The following METAP1D variants were observed in gnomAD, a reference collection of about 807,000 sequenced individuals.
METAP1D encodes methionine aminopeptidase 1D, mitochondrial.
In METAP1D, 31 loss-of-function variants were observed where a neutral mutation model predicts 40.5. That is an observed-to-expected ratio of 0.77 (90% CI 0.58 to 1.03). The LOEUF is 1.03. Ranked by LOEUF, METAP1D falls within the 50% of genes least tolerant of loss-of-function variation. METAP1D has a pLI of 0.00. For missense variants in METAP1D, 411 were observed against 420.7 expected, an observed-to-expected ratio of 0.98 and a Z score of 0.20; for synonymous variants, 151 against 146.4, an observed-to-expected ratio of 1.03 and a Z score of -0.22.
chr2:172,065,378 T>C (rs991130130), intron 3 of METAP1D, among the ~76,000 whole-genome samples: 1 of 152,176 alleles, frequency 6.6e-6, no homozygotes, highest in African/African-American at 2.4e-5. Context: ...GGTTTAACAT[T>C]TCTATTTCCT....
At chr2:172,068,917 T>C (rs891412505) in intron 5 of METAP1D, among the ~76,000 whole-genome samples, 1 of 152,086 alleles carries the variant, frequency 6.6e-6, no homozygotes, top group African/African-American at 2.4e-5. Context: ...TTTGTTTCCT[T>C]TTCTTTTTTT....
chr2:172,069,152 C>T (rs967939221), intron 5 of METAP1D, among the ~76,000 whole-genome samples: 4 of 152,088 alleles, frequency 2.6e-5, no homozygotes, highest in Admixed American at 2.6e-4. Context: ...CCTGGTCTCA[C>T]GCAATCCTCT....
chr2:172,028,527 C>T (rs1689169627), intron 1 of METAP1D, among the ~76,000 whole-genome samples: 1 of 147,530 alleles, frequency 6.8e-6, no homozygotes, highest in African/African-American at 2.5e-5. Flanking sequence ...CATGAGCAGA[C>T]TTCTGTATGT....
chr2:172,075,629 T>C (rs1440102747), intron 6 of METAP1D, among the ~76,000 whole-genome samples: 2 of 152,224 alleles, frequency 1.3e-5, no homozygotes, highest in Non-Finnish European at 2.9e-5. Flanking sequence ...GTAAATAATC[T>C]TGTGCTCCCC....
intron 1 of METAP1D, among the ~76,000 whole-genome samples, chr2:172,003,290 A>G (rs1399969309): frequency 6.6e-6 from 1 of 152,094 alleles, no homozygotes; most frequent in Non-Finnish European, 1.5e-5. Context: ...AGAGTACAGA[A>G]TCCCTACCCT....
intron 7 of METAP1D, among the ~76,000 whole-genome samples, chr2:172,078,219 C>T (rs1308181443): frequency 6.6e-6 from 1 of 152,204 alleles, no homozygotes; most frequent in African/African-American, 2.4e-5. Flanking sequence ...ATCAGTGTCC[C>T]AGCAGCATGC....
At chr2:172,050,905 C>A (rs1689871448) in intron 1 of METAP1D, among the ~76,000 whole-genome samples, 1 of 152,144 alleles carries the variant, frequency 6.6e-6, no homozygotes, top group Admixed American at 6.5e-5. Flanking sequence ...TAAACAGCTT[C>A]TTTATTTCCT....
rs1689618376 is a variant in METAP1D, at chr2:172,042,788, T to TGTGTGTGTGTATATGTACACATAC, written c.41-18687_41-18686insCGTGTGTGTGTATATGTACACATA. 6.0e-4 allele frequency among the ~76,000 whole-genome samples: 16 copies of TGTGTGTGTGTATATGTACACATAC among 26,756 alleles called. 7 individuals are homozygous for TGTGTGTGTGTATATGTACACATAC. The highest frequency in any genetic ancestry group is 1.9e-3 in the African/African-American group (12 of 6,310). 17.6% of individuals were successfully genotyped at this position (26,756 alleles called of 152,430 possible). A position where few individuals can be genotyped will look rare whatever the true frequency, so the allele number is the denominator to read the frequency against. On this transcript the variant is annotated intron_variant, in intron 1 of 9. Coordinates refer to ENST00000315796, the MANE Select transcript of METAP1D (RefSeq NM_199227.3). The stretch of plus-strand genomic sequence containing the variant: ...GTGTGTGTATATGTACACATATACG[T>TGTGTGTGTGTATATGTACACATAC]GTGTGTGTGTATATGTACACATATA...
At chr2:172,076,845 G>T (rs942808376) in intron 6 of METAP1D, among the ~76,000 whole-genome samples, 1 of 152,190 alleles carries the variant, frequency 6.6e-6, no homozygotes, top group African/African-American at 2.4e-5. Flanking sequence ...TAGTGTTAGG[G>T]TTAGGGGCAT....
chr2:172,065,345 A>T (rs1190159950), intron 3 of METAP1D, among the ~76,000 whole-genome samples: 1 of 152,200 alleles, frequency 6.6e-6, no homozygotes, highest in Non-Finnish European at 1.5e-5. Context: ...TTAATGACTC[A>T]CAAATGATTT....
At chr2:172,033,079 T>A (rs1262922672) in intron 1 of METAP1D, among the ~76,000 whole-genome samples, 2 of 151,030 alleles carry the variant, frequency 1.3e-5, no homozygotes, top group African/African-American at 4.9e-5. Context: ...AATAAATAAA[T>A]AAATAAAAAT....
intron 1 of METAP1D, among the ~76,000 whole-genome samples, chr2:172,041,747 T>C (rs1689535783): frequency 1.2e-5 from 1 of 82,942 alleles, no homozygotes; most frequent in South Asian, 4.5e-4. Flanking sequence ...TATATATATA[T>C]ATATATATAT....
intron 1 of METAP1D, among the ~76,000 whole-genome samples, chr2:172,037,572 A>G (rs1449373978): frequency 6.6e-6 from 1 of 152,224 alleles, no homozygotes; most frequent in Non-Finnish European, 1.5e-5. Flanking sequence ...TCTTTACAAC[A>G]GTTTTTTATT....
At chr2:172,013,798 CAA>C (rs1463727773) in intron 1 of METAP1D, among the ~76,000 whole-genome samples, 1 of 150,248 alleles carries the variant, frequency 6.7e-6, no homozygotes, top group Non-Finnish European at 1.5e-5. Context: ...ATATTTATAA[CAA>C]AGAAACATTA....
intron 1 of METAP1D, among the ~76,000 whole-genome samples, chr2:172,020,535 T>C (rs1386436884): frequency 6.6e-6 from 1 of 152,204 alleles, no homozygotes; most frequent in African/African-American, 2.4e-5. Flanking sequence ...GTTTGCACAA[T>C]GTGTCCAATT....
Position 172,056,609 on chromosome 2 carries a change from T to A in METAP1D, c.41-4889T>A, listed in dbSNP as rs558465502. Among the ~76,000 whole-genome samples the A allele has an allele frequency of 2.0e-5, 3 of 152,328 alleles. No individual in the cohort carries two copies. The South Asian group carries it at 6.2e-4, about 32-fold the overall frequency. ...CACATGCAATGAGTTCATTAAGTAG[T>A]TGTTGAATGAATGAAGGCATTTAGA... is the stretch of plus-strand genomic sequence containing the variant. On this transcript the variant is annotated intron_variant, in intron 1 of 9. Transcript: ENST00000315796.
chr2:172,047,658 C>G (rs1018537608), intron 1 of METAP1D, among the ~76,000 whole-genome samples: 8 of 152,220 alleles, frequency 5.3e-5, no homozygotes, highest in African/African-American at 1.9e-4. Context: ...TGGCCTTGAA[C>G]TCCTGAGCTC....
At chr2:172,011,683 G>A (rs957209703) in intron 1 of METAP1D, among the ~76,000 whole-genome samples, 1 of 152,170 alleles carries the variant, frequency 6.6e-6, no homozygotes, top group South Asian at 2.1e-4. Flanking sequence ...CATTTAGCAT[G>A]ATGTTTTCAT....
chr2:172,021,046 G>GA (rs984737030), intron 1 of METAP1D, among the ~76,000 whole-genome samples: 3 of 151,748 alleles, frequency 2.0e-5, no homozygotes, highest in African/African-American at 7.3e-5. Flanking sequence ...CCACAAACCA[G>GA]AAAAAAATTG....
Sources: gnomAD v4.1 joint callset for allele counts (sites outside exome capture counted in the v4.1 genomes callset) on GRCh38, gnomAD v4.1.1 for gene constraint, MANE v1.5 for transcripts, NCBI Gene and HGNC (gene_info 2026-07-23, HGNC 2026-07-21) for gene names.